The following TRIM37 variants were observed in gnomAD, a reference collection of about 807,000 sequenced individuals.
The protein encoded by TRIM37 is tripartite motif containing 37.
Under a neutral mutation model 129.8 loss-of-function variants are expected in TRIM37, and 80 were observed. The observed-to-expected ratio is 0.62, with a 90% CI of 0.51 to 0.74. TRIM37 has a LOEUF of 0.74. Ranked by LOEUF, TRIM37 falls within the 30% of genes least tolerant of loss-of-function variation. The pLI is 0.00. For synonymous variants in TRIM37, 389 were observed against 387.1 expected, an observed-to-expected ratio of 1.00 and a Z score of -0.06; for missense variants, 1,054 against 1,176.5, an observed-to-expected ratio of 0.90 and a Z score of 1.52.
intron 13 of TRIM37, among the ~76,000 whole-genome samples, chr17:59,055,834 G>T (rs1193080159): frequency 6.6e-6 from 1 of 152,042 alleles, no homozygotes; most frequent in African/African-American, 2.4e-5. Flanking sequence ...ACTAGGCTTA[G>T]TATCTGGGTG....
At chr17:59,045,126 A>G (rs973128337) in intron 16 of TRIM37, among the ~76,000 whole-genome samples, 16 of 152,054 alleles carry the variant, frequency 1.1e-4, no homozygotes, top group African/African-American at 3.9e-4. Flanking sequence ...GGAGATTGAG[A>G]TCATCCTGGC....
downstream of TRIM37, among the ~76,000 whole-genome samples, chr17:58,997,621 T>TGA (rs1292904679): frequency 6.6e-6 from 1 of 152,154 alleles, no homozygotes; most frequent in Non-Finnish European, 1.5e-5. Context: ...AAGAAAACTC[T>TGA]ATTCAGGAGA....
intron 11 of TRIM37, among the ~76,000 whole-genome samples, chr17:59,061,459 C>T (rs1719961634): frequency 6.6e-6 from 1 of 151,586 alleles, no homozygotes; most frequent in African/African-American, 2.4e-5. Context: ...AATTTTAAAC[C>T]AAAAATTAAT....
At chr17:59,085,871 G>C (rs1165675111) in intron 4 of TRIM37, among the ~76,000 whole-genome samples, 33 of 152,116 alleles carry the variant, frequency 2.2e-4, no homozygotes, top group Admixed American at 2.2e-3. Context: ...TTAAAAAGGT[G>C]GGAAATTCTG....
chr17:59,105,071 GACA>G (rs1471695617), intron 1 of TRIM37, among the ~76,000 whole-genome samples: 1 of 134,732 alleles, frequency 7.4e-6, no homozygotes, highest in Non-Finnish European at 1.5e-5. Flanking sequence ...TAGCCTGGGT[GACA>G]GAGTGAGATT....
downstream of TRIM37, chr17:58,980,342 C>T (rs768600680): frequency 9.3e-6 from 15 of 1,614,062 alleles, no homozygotes; most frequent in South Asian, 5.5e-5. The surrounding 1 kb of genome is among the most constrained non-coding windows in gnomAD (Gnocchi z 4.7). Flanking sequence ...AGAGTGCAAA[C>T]GCCCTTGGCC....
downstream of TRIM37, among the ~76,000 whole-genome samples, chr17:58,997,567 G>A (rs965642711): frequency 3.3e-5 from 5 of 152,044 alleles, no homozygotes; most frequent in Non-Finnish European, 5.9e-5. Context: ...GTCCAGAAAG[G>A]ACACGTTCAC....
intron 2 of TRIM37, among the ~76,000 whole-genome samples, chr17:59,095,523 G>A (rs1273902824): frequency 1.3e-5 from 2 of 152,108 alleles, no homozygotes; most frequent in African/African-American, 2.4e-5. Flanking sequence ...TTAGCTATAA[G>A]AGAAAACAGG....
intron 17 of TRIM37, 33 bp from the exon 18 acceptor site, chr17:59,032,123 T>C (rs747332482): frequency 6.2e-7 from 1 of 1,600,374 alleles, no homozygotes; most frequent in South Asian, 1.1e-5. Flanking sequence ...GATATATATA[T>C]GCACAAACTT....
intron 1 of TRIM37, among the ~76,000 whole-genome samples, chr17:59,105,859 A>C (rs2045942726): frequency 6.6e-6 from 1 of 152,156 alleles, no homozygotes; most frequent in Non-Finnish European, 1.5e-5. Flanking sequence ...TATGTTCAAT[A>C]AACAATCTTT....
At chr17:59,020,675 A>G (rs1392147948) in intron 19 of TRIM37, among the ~76,000 whole-genome samples, 1 of 152,204 alleles carries the variant, frequency 6.6e-6, no homozygotes, top group Non-Finnish European at 1.5e-5. Flanking sequence ...ATCTGAATAG[A>G]TATTTCTTAA....
At chr17:58,983,949 T>A (rs1049399013) in intron 24 of TRIM37, 3 of 152,670 alleles carry the variant, frequency 2.0e-5, no homozygotes, top group African/African-American at 7.2e-5. Flanking sequence ...GTCCCTAATT[T>A]ACAGGTTTCC....
At position 59,090,954 on chromosome 17, in the gene TRIM37, GA is replaced by G. The variant is rs543452441; in HGVS notation, c.164+345del. Among the ~76,000 whole-genome samples, 687 of 152,014 alleles carry G rather than the reference GA, an allele frequency of 4.5e-3. 3 individuals carry two copies. Among genetic ancestry groups the G allele is most frequent in the African/African-American group, 0.016 (651 of 41,470 alleles). On this transcript the variant is annotated intron_variant, in intron 3 of 23. Transcript: ENST00000262294. ...CAAGCTATCTGGATTTTTTTAACCAGAAAACATTAAAATTTTTTGCTTAATT... is the reference window on the plus strand; with the variant it reads ...CAAGCTATCTGGATTTTTTTAACCAGAAACATTAAAATTTTTTGCTTAATT...
chr17:59,081,072 A>T, intron 6 of TRIM37, 25 bp downstream of exon 6: 1 of 1,507,784 alleles, frequency 6.6e-7, no homozygotes, highest in Non-Finnish European at 9.0e-7. Flanking sequence ...AAAACAAAAT[A>T]ATTATATTTT....
At chr17:59,052,986 T>TCAAATCAAATCAAAC (rs1463975891) in intron 13 of TRIM37, among the ~76,000 whole-genome samples, 1 of 151,590 alleles carries the variant, frequency 6.6e-6, no homozygotes, top group African/African-American at 2.4e-5. Context: ...TCAAATCAAA[T>TCAAATCAAATCAAAC]CAAATCAAAT....
At chr17:58,972,299 A>G in the TRIM37 span, 5 of 1,596,956 alleles carry the variant, frequency 3.1e-6, no homozygotes, top group African/African-American at 2.7e-5. Context: ...GTTTTAATAG[A>G]GCCCATGCTC....
intron 13 of TRIM37, among the ~76,000 whole-genome samples, chr17:59,053,942 C>CAAAAT (rs1240045483): frequency 6.6e-6 from 1 of 151,838 alleles, no homozygotes; most frequent in African/African-American, 2.4e-5. Context: ...CTAAACAAAA[C>CAAAAT]AAAACAATAA....
At position 58,998,850 on chromosome 17, in the gene TRIM37, G is replaced by C; in HGVS notation, c.*527C>G. 1.0e-6 allele frequency: 1 copy of C among 993,826 alleles called. No homozygotes were observed. The highest frequency in any genetic ancestry group is 1.2e-6 in the Non-Finnish European group (1 of 834,692). 61.6% of individuals were successfully genotyped at this position (993,826 alleles called of 1,614,324 possible). A position where few individuals can be genotyped will look rare whatever the true frequency, so the allele number is the denominator to read the frequency against. Reference sequence around the variant, plus strand: ...TACTCCAAAAAGGAGATTCAGTCTAGTGTTACTTCAGTTATTCACATAGTG... The same window carrying C: ...TACTCCAAAAAGGAGATTCAGTCTACTGTTACTTCAGTTATTCACATAGTG... On this transcript the variant is annotated 3_prime_UTR_variant, in exon 24 of 24. Transcript: ENST00000262294.
chr17:59,045,625 C>T (rs1264582191), intron 16 of TRIM37, among the ~76,000 whole-genome samples: 6 of 143,876 alleles, frequency 4.2e-5, no homozygotes, highest in African/African-American at 2.6e-5. Context: ...GGTGACAGTG[C>T]GAAACTCCGT....
Sources: allele counts gnomAD v4.1 joint callset (sites outside exome capture counted in the v4.1 genomes callset), GRCh38; gene constraint gnomAD v4.1.1; non-coding constraint Gnocchi (gnomAD v3.1); transcripts MANE v1.5; gene names NCBI Gene and HGNC (gene_info 2026-07-23, HGNC 2026-07-21).